The following SFT2D2 variants were observed in gnomAD, a reference collection of about 807,000 sequenced individuals.
SFT2D2 encodes SFT2 domain containing 2, also known as vesicle transport protein SFT2B.
In SFT2D2, 21 loss-of-function variants were observed where a neutral mutation model predicts 27.4. The observed-to-expected ratio is 0.77, with a 90% CI of 0.54 to 1.10. The LOEUF is 1.10. Ranked by LOEUF, SFT2D2 falls within the 50% of genes least tolerant of loss-of-function variation. SFT2D2 has a pLI of 0.00. For synonymous variants in SFT2D2, 72 were observed against 71.7 expected (o/e 1.00, Z -0.02); for missense variants, 187 against 194.2 (o/e 0.96, Z 0.22).
In SFT2D2 at chr1:168,250,798, C is replaced by T. The variant is rs565075160; in HGVS notation, c.*8258C>T. 6.6e-6 allele frequency: 1 copy of T among 152,306 alleles called. No homozygotes were observed. Among genetic ancestry groups the T allele is most frequent in the East Asian group, 1.9e-4 (1 of 5,182 alleles). The allele number at this position is 152,306 out of a possible 1,614,324, so 9.4% of individuals were successfully genotyped here. On this transcript the variant is annotated 3_prime_UTR_variant, in exon 8 of 8. Coordinates refer to ENST00000271375, the MANE Select transcript of SFT2D2 (RefSeq NM_199344.3). Reference sequence around the variant, plus strand: ...GTTCTGCTCCTCTGCATAGCCGTAGCTCAGATCCTAGCTCAAGATGTCTTG... The same window carrying T: ...GTTCTGCTCCTCTGCATAGCCGTAGTTCAGATCCTAGCTCAAGATGTCTTG...
chr1:168,234,981 T>A (rs1647449616), intron 3 of SFT2D2, 120 bp from the exon 4 acceptor site: 1 of 888,586 alleles, frequency 1.1e-6, no homozygotes, highest in Non-Finnish European at 1.9e-6. Context: ...TTCAGCACAG[T>A]CAGAATGAGA....
chr1:168,231,387 T>C lies in SFT2D2; in HGVS notation c.64-127T>C, dbSNP rs1647283094. The C allele has an allele frequency of 5.5e-6, 4 of 724,350 alleles. No individual in the cohort carries two copies. In the Admixed American group the frequency reaches 7.4e-5, roughly 13 times the overall value. The allele number at this position is 724,350 out of a possible 1,614,324, so 44.9% of individuals were successfully genotyped here. A position where few individuals can be genotyped will look rare whatever the true frequency, so the allele number is the denominator to read the frequency against. On this transcript the variant is annotated intron_variant, in intron 1 of 7. Transcript: ENST00000271375. Reference sequence around the variant, plus strand: ...TCTGGATTTGATGACTTACATCGCCTGAGTGTGTAGGATTCTGTGCTCCTT... The same window carrying C: ...TCTGGATTTGATGACTTACATCGCCCGAGTGTGTAGGATTCTGTGCTCCTT...
chr1:168,231,378 T>G, intron 1 of SFT2D2, 136 bp from the exon 2 acceptor site: 1 of 682,174 alleles, frequency 1.5e-6, no homozygotes, highest in Non-Finnish European at 2.5e-6. Flanking sequence ...TTTGATGACT[T>G]ACATCGCCTG....
At position 168,247,854 on chromosome 1, in the gene SFT2D2, T is replaced by G. The variant is rs184167118; in HGVS notation, c.*5314T>G. ...AGCATCTGTGGCCACCATGCCACTTTTTAATGATTGCCATTCTAACTGGCA... is the reference window on the plus strand; with the variant it reads ...AGCATCTGTGGCCACCATGCCACTTGTTAATGATTGCCATTCTAACTGGCA... On this transcript the variant is annotated 3_prime_UTR_variant, in exon 8 of 8. Transcript: ENST00000271375. The G allele has an allele frequency of 6.6e-5, 10 of 152,250 alleles. No homozygotes were observed. The highest frequency in any genetic ancestry group is 1.0e-4 in the Non-Finnish European group (7 of 68,046). 9.4% of individuals were successfully genotyped at this position (152,250 alleles called of 1,614,324 possible).
intron 3 of SFT2D2, among the ~76,000 whole-genome samples, chr1:168,232,670 T>A (rs1012880227): frequency 6.6e-6 from 1 of 152,212 alleles, no homozygotes; most frequent in African/African-American, 2.4e-5. Flanking sequence ...TCCCCATGGC[T>A]GTTTGTGCTT....
rs111569379 is a variant in SFT2D2 at position 168,226,358 on chromosome 1, C to T, written c.63+216C>T. Among the ~76,000 whole-genome samples the T allele has an allele frequency of 2.3e-3, 356 of 152,114 alleles. 4 individuals are homozygous for T. The highest frequency in any genetic ancestry group is 8.1e-3 in the African/African-American group (335 of 41,484). ...TCTGCCCCGCGCCCCTTCAGCCCAT[C>T]CTCCCTGACAAGGGGGCGGCGCAGG... On this transcript the variant is annotated intron_variant, in intron 1 of 7. Transcript: ENST00000271375.
intron 7 of SFT2D2, among the ~76,000 whole-genome samples, chr1:168,240,911 C>G (rs1052758494): frequency 6.7e-6 from 1 of 150,272 alleles, no homozygotes; most frequent in African/African-American, 2.5e-5. Context: ...GACTCTGTCT[C>G]AAAAAAAAAG....
chr1:168,247,518 G>A lies in SFT2D2; in HGVS notation c.*4978G>A, dbSNP rs150999478. 1 of 154,190 alleles carries A rather than the reference G, an allele frequency of 6.5e-6. No homozygotes were observed. The highest frequency in any genetic ancestry group is 1.9e-4 in the East Asian group (1 of 5,218). The allele number at this position is 154,190 out of a possible 1,614,324, so 9.6% of individuals were successfully genotyped here. A position where few individuals can be genotyped will look rare whatever the true frequency, so the allele number is the denominator to read the frequency against. On this transcript the variant is annotated 3_prime_UTR_variant, in exon 8 of 8. Transcript: ENST00000271375. ...GACATGAACTCATCCTTTTTTTATGGCTGAATACTATTCCATGGGTGTATA... is the reference window on the plus strand; with the variant it reads ...GACATGAACTCATCCTTTTTTTATGACTGAATACTATTCCATGGGTGTATA...
At chr1:168,231,657 C>G in intron 2 of SFT2D2, 57 bp downstream of exon 2, 1 of 1,548,108 alleles carries the variant, frequency 6.5e-7, no homozygotes, top group Non-Finnish European at 8.9e-7. Flanking sequence ...CTATATATTC[C>G]CCCTTTTGTC....
At chr1:168,235,280 T>TC in intron 4 of SFT2D2, 98 bp downstream of exon 4, 1 of 1,181,478 alleles carries the variant, frequency 8.5e-7, no homozygotes, top group Admixed American at 1.8e-5. Context: ...CTTCTCTTTT[T>TC]CCGTTCAGCT....
In SFT2D2 at chr1:168,246,800, A is replaced by G. The variant is rs768487611; in HGVS notation, c.*4260A>G. ...CTGTCAGAGCAGTAAGCTGTCCACT[A>G]TAATGGGCTATCGTTTTTGTTGATT... On this transcript the variant is annotated 3_prime_UTR_variant, in exon 8 of 8. Coordinates refer to ENST00000271375, the MANE Select transcript of SFT2D2 (RefSeq NM_199344.3). The G allele has an allele frequency of 4.4e-6, 3 of 680,638 alleles. No individual in the cohort carries two copies. Among genetic ancestry groups the G allele is most frequent in the African/African-American group, 1.8e-5 (1 of 56,266 alleles). The allele number at this position is 680,638 out of a possible 1,614,324, so 42.2% of individuals were successfully genotyped here. A position where few individuals can be genotyped will look rare whatever the true frequency, so the allele number is the denominator to read the frequency against.
In SFT2D2 at chr1:168,246,933, A is replaced by G. The variant is rs1479849840; in HGVS notation, c.*4393A>G. 1.1e-5 allele frequency: 7 copies of G among 632,104 alleles called. No individual in the cohort carries two copies. Among genetic ancestry groups the G allele is most frequent in the Non-Finnish European group, 1.7e-5 (6 of 351,256 alleles). 39.2% of individuals were successfully genotyped at this position (632,104 alleles called of 1,614,324 possible). ...CAGGATTTGATTTTTTATTGTGTGT[A>G]TTTCCAGCCTGAGCCTGGCAATTTC... On this transcript the variant is annotated 3_prime_UTR_variant, in exon 8 of 8. Transcript: ENST00000271375.
intron 1 of SFT2D2, 125 bp from the exon 2 acceptor site, chr1:168,231,389 A>G: frequency 1.4e-6 from 1 of 727,746 alleles, no homozygotes; most frequent in Non-Finnish European, 2.3e-6. Flanking sequence ...ACATCGCCTG[A>G]GTGTGTAGGA....
rs1647980586 is a variant in SFT2D2, at chr1:168,252,960, A to G, written c.*10420A>G. On this transcript the variant is annotated 3_prime_UTR_variant, in exon 8 of 8. Transcript: ENST00000271375. ...GTTGCCAAGCTGTCTCTCCTCCCCC[A>G]TCACAATTGTTAGTTTTTTTTGCTT... 6.6e-6 allele frequency: 1 copy of G among 152,140 alleles called. No individual in the cohort carries two copies. The highest frequency in any genetic ancestry group is 2.4e-5 in the African/African-American group (1 of 41,430). 9.4% of individuals were successfully genotyped at this position (152,140 alleles called of 1,614,324 possible).
chr1:168,235,627 T>C (rs1212174368), intron 4 of SFT2D2, among the ~76,000 whole-genome samples: 2 of 152,196 alleles, frequency 1.3e-5, no homozygotes, highest in African/African-American at 4.8e-5. Flanking sequence ...ATTACTGTTT[T>C]TCATCAGTCT....
Position 168,249,110 on chromosome 1 carries a change from T to C in SFT2D2, c.*6570T>C, listed in dbSNP as rs1484407799. ...CTGCTCTAATCTTAGTTATTTCTTG[T>C]CTTCTGCTAGCTTTTGAATTTGTTT... On this transcript the variant is annotated 3_prime_UTR_variant, in exon 8 of 8. Coordinates refer to ENST00000271375, the MANE Select transcript of SFT2D2 (RefSeq NM_199344.3). 2 of 152,186 alleles carry C rather than the reference T, an allele frequency of 1.3e-5. No homozygotes were observed. The highest frequency in any genetic ancestry group is 2.9e-5 in the Non-Finnish European group (2 of 68,026). The allele number at this position is 152,186 out of a possible 1,614,324, so 9.4% of individuals were successfully genotyped here.
At position 168,234,231 on chromosome 1, in the gene SFT2D2, T is replaced by TA. The variant is rs566426976; in HGVS notation, c.237-865dup. On this transcript the variant is annotated intron_variant, in intron 3 of 7. Transcript: ENST00000271375. ...GCCAACATGGTGAAACTGTCTCTACTAAAAATACAAAAATTAGCTGGGTGT... is the reference window on the plus strand; with the variant it reads ...GCCAACATGGTGAAACTGTCTCTACTAAAAAATACAAAAATTAGCTGGGTGT... Among the ~76,000 whole-genome samples the TA allele has an allele frequency of 1.4e-4, 22 of 152,116 alleles. No homozygotes were observed. In the East Asian group the frequency reaches 3.7e-3, roughly 25 times the overall value.
rs187060045 is a variant in SFT2D2 at position 168,244,578 on chromosome 1, A to G, written c.*2038A>G. Reference sequence around the variant, plus strand: ...TCTTTCTAGGCTATTGATGACATCCAGTCATCTGCTCAGGTCACTAACCTG... The same window carrying G: ...TCTTTCTAGGCTATTGATGACATCCGGTCATCTGCTCAGGTCACTAACCTG... On this transcript the variant is annotated 3_prime_UTR_variant, in exon 8 of 8. Coordinates refer to ENST00000271375, the MANE Select transcript of SFT2D2 (RefSeq NM_199344.3). The G allele has an allele frequency of 6.6e-6, 1 of 152,252 alleles. No homozygotes were observed. The allele number at this position is 152,252 out of a possible 1,614,324, so 9.4% of individuals were successfully genotyped here.
At chr1:168,234,939 T>C (rs1367050948) in intron 3 of SFT2D2, among the ~76,000 whole-genome samples, 162 bp from the exon 4 acceptor site, 4 of 152,198 alleles carry the variant, frequency 2.6e-5, no homozygotes, top group African/African-American at 9.7e-5. Context: ...TGGTTGTTGA[T>C]GGATTAAATG....
Sources: allele counts gnomAD v4.1 joint callset (sites outside exome capture counted in the v4.1 genomes callset), GRCh38; gene constraint gnomAD v4.1.1; transcripts MANE v1.5; gene names NCBI Gene and HGNC (gene_info 2026-07-23, HGNC 2026-07-21).